The following ROPN1L variants were observed in gnomAD, a reference collection of about 807,000 sequenced individuals.
The protein encoded by ROPN1L is ropporin-1-like protein.
ROPN1L carries 23 observed loss-of-function variants against 22.7 expected under a neutral mutation model. The ratio of observed to expected loss-of-function variants is 1.01; its 90% CI spans 0.73 to 1.43. The LOEUF is 1.43. Ranked by LOEUF, ROPN1L falls within the 40% of genes most tolerant of loss-of-function variation. The pLI is 0.00. For missense variants in ROPN1L, 271 were observed against 291.5 expected (o/e 0.93, Z 0.51); for synonymous variants, 116 against 117.8 (o/e 0.98, Z 0.10).
At chr5:10,464,674 T>A (rs887813409) in intron 4 of ROPN1L, among the ~76,000 whole-genome samples, 174 bp from the exon 5 acceptor site, 1 of 152,260 alleles carries the variant, frequency 6.6e-6, no homozygotes, top group Non-Finnish European at 1.5e-5. Flanking sequence ...TACGTTTTGG[T>A]GCACTTTGCA....
intron 3 of ROPN1L, among the ~76,000 whole-genome samples, chr5:10,454,769 G>A (rs189264962): frequency 1.3e-5 from 2 of 152,294 alleles, no homozygotes; most frequent in South Asian, 2.1e-4. Flanking sequence ...AACCGGGTGC[G>A]GGAGTGCACA....
chr5:10,442,390 G>T, intron 1 of ROPN1L, 92 bp downstream of exon 1: 5 of 1,506,210 alleles, frequency 3.3e-6, no homozygotes, highest in Non-Finnish European at 4.5e-6. Context: ...GGCCTTACGC[G>T]GCACTCAGCG....
intron 3 of ROPN1L, among the ~76,000 whole-genome samples, chr5:10,453,669 C>T (rs576494699): frequency 2.6e-5 from 4 of 152,124 alleles, no homozygotes; most frequent in East Asian, 3.9e-4. Flanking sequence ...ATGGCGGGGG[C>T]GTGGCTTGTG....
Position 10,442,315 on chromosome 5 carries a change from C to T in ROPN1L, c.131+17C>T, listed in dbSNP as rs78035767. On this transcript the variant is annotated intron_variant, in intron 1 of 4. Coordinates refer to ENST00000274134, the MANE Select transcript of ROPN1L (RefSeq NM_031916.5). ...GTCCGCGGGGTAAGCGCCCTTGGCCCGGGGAGCTGTCCGGTCTACATGCCC... is the reference window on the plus strand; with the variant it reads ...GTCCGCGGGGTAAGCGCCCTTGGCCTGGGGAGCTGTCCGGTCTACATGCCC... The T allele has an allele frequency of 4.0e-5, 64 of 1,611,608 alleles. No homozygotes were observed. In the East Asian group the frequency reaches 1.2e-3, roughly 31 times the overall value.
chr5:10,449,896 A>G (rs769354662), intron 2 of ROPN1L, 56 bp from the exon 3 acceptor site: 33 of 1,483,106 alleles, frequency 2.2e-5, no homozygotes, highest in Non-Finnish European at 3.0e-5. Context: ...CACAGCATTC[A>G]TTGTTTCCCA....
chr5:10,468,055 C>T (rs78167607), downstream of ROPN1L, among the ~76,000 whole-genome samples: 207 of 152,332 alleles, frequency 1.4e-3, no homozygotes, highest in Middle Eastern at 3.4e-3. Context: ...TCCTGCTTAA[C>T]GCTCTGTCCC....
chr5:10,466,221 G>T (rs760878608), downstream of ROPN1L, among the ~76,000 whole-genome samples: 3 of 152,202 alleles, frequency 2.0e-5, no homozygotes, highest in Non-Finnish European at 4.4e-5. Flanking sequence ...GCGAGTGTGG[G>T]CCCCTCTAAA....
intron 1 of ROPN1L, 117 bp from the exon 2 acceptor site, chr5:10,448,143 G>C (rs2126433892): frequency 8.8e-7 from 1 of 1,138,232 alleles, no homozygotes; most frequent in African/African-American, 1.5e-5. Context: ...CCGGGATGTT[G>C]GTCTTCAGAG....
rs762971211 is a variant in ROPN1L at position 10,452,287 on chromosome 5, ATGTGTG to A, written c.417+2196_417+2201del. Among the ~76,000 whole-genome samples the A allele has an allele frequency of 5.0e-3, 710 of 142,488 alleles. 3 individuals carry two copies. Among genetic ancestry groups the A allele is most frequent in the Non-Finnish European group, 7.6e-3 (508 of 66,434 alleles). 93.5% of individuals were successfully genotyped at this position (142,488 alleles called of 152,430 possible). On this transcript the variant is annotated intron_variant, in intron 3 of 4. Coordinates refer to ENST00000274134, the MANE Select transcript of ROPN1L (RefSeq NM_031916.5). Reference sequence around the variant, plus strand: ...AGCCACTGCACCCAGCCTAAAGTATATGTGTGTGTGTGTGTGTGTGTGTGTGTCTGT... The same window carrying A: ...AGCCACTGCACCCAGCCTAAAGTATATGTGTGTGTGTGTGTGTGTGTCTGT...
chr5:10,465,534 AAC>A (rs1735139259), downstream of ROPN1L, among the ~76,000 whole-genome samples: 1 of 150,960 alleles, frequency 6.6e-6, no homozygotes, highest in African/African-American at 2.4e-5. Context: ...CAAAAACAAA[AAC>A]ACAAACGAAC....
intron 4 of ROPN1L, among the ~76,000 whole-genome samples, chr5:10,471,556 G>T (rs1161044219): frequency 1.3e-5 from 2 of 152,230 alleles, no homozygotes. Flanking sequence ...AAGATATGGG[G>T]AGGGCTGAGG....
At chr5:10,453,628 G>A (rs183768244) in intron 3 of ROPN1L, among the ~76,000 whole-genome samples, 18 of 152,332 alleles carry the variant, frequency 1.2e-4, no homozygotes, top group Middle Eastern at 3.4e-3. Context: ...CTGCGTGAGC[G>A]GGATAGATGT....
chr5:10,459,245 C>T (rs1419131705), intron 3 of ROPN1L, among the ~76,000 whole-genome samples: 1 of 150,592 alleles, frequency 6.6e-6, no homozygotes, highest in Non-Finnish European at 1.5e-5. Context: ...CCGGCCCTTC[C>T]CAGGCCCCTG....
chr5:10,465,971 A>G (rs1020259561), downstream of ROPN1L, among the ~76,000 whole-genome samples: 6 of 152,096 alleles, frequency 3.9e-5, no homozygotes, highest in Non-Finnish European at 8.8e-5. Context: ...CATCTTTTCT[A>G]TGAAAGGTGG....
chr5:10,451,662 C>T (rs1741255950), intron 3 of ROPN1L, among the ~76,000 whole-genome samples: 1 of 152,174 alleles, frequency 6.6e-6, no homozygotes, highest in African/African-American at 2.4e-5. Context: ...GCTCCGTGCC[C>T]TCAGGGAGTC....
intron 1 of ROPN1L, among the ~76,000 whole-genome samples, chr5:10,442,817 T>C (rs1740929863): frequency 6.6e-6 from 1 of 152,248 alleles, no homozygotes; most frequent in Non-Finnish European, 1.5e-5. Context: ...GGGTAAACTG[T>C]CCAGCAAATG....
the ROPN1L span, among the ~76,000 whole-genome samples, chr5:10,478,330 C>G: frequency 6.6e-6 from 1 of 152,230 alleles, no homozygotes; most frequent in African/African-American, 2.4e-5. Context: ...GTATTAGCTT[C>G]CTGGGGCTGC....
intron 1 of ROPN1L, among the ~76,000 whole-genome samples, chr5:10,447,759 T>C (rs1398904173): frequency 6.6e-6 from 1 of 152,126 alleles, no homozygotes; most frequent in Admixed American, 6.5e-5. Flanking sequence ...TGTGTGCCTG[T>C]AGTCCCAGCT....
At chr5:10,458,275 C>T (rs1734890701) in intron 3 of ROPN1L, among the ~76,000 whole-genome samples, 1 of 151,976 alleles carries the variant, frequency 6.6e-6, no homozygotes, top group Admixed American at 6.5e-5. Flanking sequence ...CAGCCTCCCT[C>T]CTGGCTGCGC....
Sources: gnomAD v4.1 joint callset for allele counts (sites outside exome capture counted in the v4.1 genomes callset) on GRCh38, gnomAD v4.1.1 for gene constraint, MANE v1.5 for transcripts, NCBI Gene and HGNC (gene_info 2026-07-23, HGNC 2026-07-21) for gene names.